Variants in MYO1C observed in about 807,000 individuals in gnomAD.
MYO1C encodes myosin IC.
MYO1C carries 104 observed loss-of-function variants against 150.8 expected under a neutral mutation model. That is an observed-to-expected ratio of 0.69 (90% CI 0.59 to 0.81). The LOEUF (loss-of-function observed/expected upper bound fraction) is 0.81, where lower values mean the gene tolerates loss of function less well. MYO1C is among the 30% of genes least tolerant of loss of function. The pLI, the probability that MYO1C is intolerant of heterozygous loss-of-function variation, is 0.00. For missense variants in MYO1C, 1,504 were observed against 1,435.0 expected (o/e 1.05, Z -0.78); for synonymous variants, 663 against 579.9 (o/e 1.14, Z -2.06).
At chr17:1,483,358 G>T (rs528594644) in intron 3 of MYO1C, among the ~76,000 whole-genome samples, 4 of 151,250 alleles carry the variant, frequency 2.6e-5, no homozygotes, top group Admixed American at 1.3e-4. Context: ...GGGTTCAGAG[G>T]TCACTAAGAT....
At chr17:1,468,987 G>A (rs1008526122) in intron 25 of MYO1C, 37 of 281,200 alleles carry the variant, frequency 1.3e-4, no homozygotes, top group Admixed American at 6.4e-4. Context: ...ACCAATCAAG[G>A]GCAGTTGGCC....
rs376123130 is a variant in MYO1C at position 1,483,598 on chromosome 17, G to A, written c.347+12C>T. The A allele has an allele frequency of 2.3e-4, 373 of 1,594,490 alleles. No homozygotes were observed. In the African/African-American group the frequency reaches 4.0e-3, roughly 17 times the overall value. On this transcript the variant is annotated intron_variant, in intron 3 of 31. Transcript: ENST00000648651. ...CAGAGGGGTCGCTCCCGGAGGGGCTGGGGTCACTCACAGGTGAGGGGGCAC... is the reference window on the plus strand; with the variant it reads ...CAGAGGGGTCGCTCCCGGAGGGGCTAGGGTCACTCACAGGTGAGGGGGCAC...
At chr17:1,489,408 C>T (rs1235173467) in intron 1 of MYO1C, among the ~76,000 whole-genome samples, 2 of 152,238 alleles carry the variant, frequency 1.3e-5, no homozygotes, top group Non-Finnish European at 2.9e-5. Flanking sequence ...CAGTGAGTGG[C>T]TCACACCTGT....
rs528531164 is a variant in MYO1C, at chr17:1,483,660, C to G, written c.297G>C (p.Gln99His). The change falls in exon 3 of 32, where the codon CAG (glutamine) becomes CAC (histidine). Residue 99 changes from glutamine to histidine, a missense_variant. By Grantham distance (24) the Gln-to-His change is conservative. Coordinates refer to ENST00000648651, the MANE Select transcript of MYO1C (RefSeq NM_001080779.2). ...PYRDLQIYSR[Q>H]HMERYRGVSF... ...TGACGCCACGGTAACGCTCCATATG[C>G]TGCCGGCTGTAGATCTGCAGGTCCC... 126 of 1,613,280 alleles carry G rather than the reference C, an allele frequency of 7.8e-5. No homozygotes were observed. The South Asian group carries it at 1.3e-3, about 17-fold the overall frequency.
intron 1 of MYO1C, chr17:1,484,657 G>C (rs187240262): frequency 2.6e-5 from 12 of 466,658 alleles, no homozygotes; most frequent in South Asian, 8.3e-5. Flanking sequence ...GTGGAGAAAG[G>C]GGGGGTCACA....
rs374361883 is a variant in MYO1C at position 1,478,648 on chromosome 17, C to T, written c.1180G>A (p.Val394Ile). The part of the protein sequence containing the change: ...AVYSRTFTWL[V>I]GKINRSLASK... Reference sequence around the variant, plus strand: ...GCCAGCGACCTGTTGATCTTCCCGACGAGCCAGGTAAAAGTGCGGCTGTAC... The same window carrying T: ...GCCAGCGACCTGTTGATCTTCCCGATGAGCCAGGTAAAAGTGCGGCTGTAC... The change falls in exon 10 of 32, where the codon GTC (valine) becomes ATC (isoleucine). Residue 394 changes from valine (V) to isoleucine (I), a missense_variant. Transcript: ENST00000648651. This position sits in a 1 kb window ranked among gnomAD's most constrained non-coding sequence, Gnocchi z 6.3. 1.9e-5 allele frequency: 30 copies of T among 1,614,036 alleles called. No homozygotes were observed. The highest frequency in any genetic ancestry group is 1.6e-4 in the African/African-American group (12 of 74,926).
At position 1,492,421 on chromosome 17, in the gene MYO1C, AG is replaced by A; in HGVS notation, c.66del (p.Cys23AlafsTer12). On this transcript the variant is annotated frameshift_variant, in exon 1 of 32. Coordinates refer to ENST00000648651, the MANE Select transcript of MYO1C (RefSeq NM_001080779.2). LOFTEE classifies it high-confidence loss of function. ...AGAGCATCCCAGCTTACAAGCTTGC[AG>A]GGCCTGTGGGGATGAACCACGCGGA... ...EIIRVVHPHR[P>X]CKLALGSDGV... 1.2e-6 allele frequency: 2 copies of A among 1,605,566 alleles called. No homozygotes were observed. The highest frequency in any genetic ancestry group is 1.7e-6 in the Non-Finnish European group (2 of 1,176,366).
At chr17:1,483,956 C>T (rs955541328) in intron 2 of MYO1C, among the ~76,000 whole-genome samples, 192 bp downstream of exon 2, 3 of 151,938 alleles carry the variant, frequency 2.0e-5, no homozygotes, top group South Asian at 2.1e-4. Context: ...GCAGGAGAAT[C>T]GCTTGAACCC....
In MYO1C at chr17:1,464,978, A is replaced by G. The variant is rs974906340; in HGVS notation, c.*748T>C. The stretch of plus-strand genomic sequence containing the variant: ...GAGGCGTGCACCACCATGCCCGGCT[A>G]ATTTTGTATTTTTACTAGAGGCGGA... On this transcript the variant is annotated 3_prime_UTR_variant, in exon 32 of 32. Transcript: ENST00000648651. The G allele has an allele frequency of 1.3e-5, 2 of 151,696 alleles. No individual in the cohort carries two copies. Among genetic ancestry groups the G allele is most frequent in the Non-Finnish European group, 2.9e-5 (2 of 67,966 alleles). The allele number at this position is 151,696 out of a possible 1,614,324, so 9.4% of individuals were successfully genotyped here.
At chr17:1,476,995 C>T (rs1023370460) in intron 14 of MYO1C, among the ~76,000 whole-genome samples, 1 of 151,952 alleles carries the variant, frequency 6.6e-6, no homozygotes. Context: ...CCTGCCACCA[C>T]ACCCAGCGAA....
intron 1 of MYO1C, among the ~76,000 whole-genome samples, chr17:1,489,486 G>A (rs2074705546): frequency 6.6e-6 from 1 of 152,008 alleles, no homozygotes; most frequent in African/African-American, 2.4e-5. Flanking sequence ...ACCAGCCTGG[G>A]CCACATAGTG....
chr17:1,489,137 G>C (rs1180839128), intron 1 of MYO1C, among the ~76,000 whole-genome samples: 1 of 152,224 alleles, frequency 6.6e-6, no homozygotes, highest in African/African-American at 2.4e-5. Flanking sequence ...TGTCTCACGG[G>C]TGGCACAGAG....
rs1598313759 is a variant in MYO1C at position 1,464,387 on chromosome 17, G to A, written c.*1339C>T. On this transcript the variant is annotated 3_prime_UTR_variant, in exon 32 of 32. Coordinates refer to ENST00000648651, the MANE Select transcript of MYO1C (RefSeq NM_001080779.2). ...CCCGTCCCCACGCTCCCATGCCAGG[G>A]AGGGGTCAGGGGCCAGAAAAGGCCC... is the stretch of plus-strand genomic sequence containing the variant. 1 of 152,784 alleles carries A rather than the reference G, an allele frequency of 6.5e-6. No individual in the cohort carries two copies. Among genetic ancestry groups the A allele is most frequent in the East Asian group, 1.9e-4 (1 of 5,186 alleles). The allele number at this position is 152,784 out of a possible 1,614,324, so 9.5% of individuals were successfully genotyped here. A position where few individuals can be genotyped will look rare whatever the true frequency, so the allele number is the denominator to read the frequency against.
rs776661712 is a variant in MYO1C, at chr17:1,467,988, C to T, written c.2896G>A (p.Gly966Arg). 36 of 1,612,776 alleles carry T rather than the reference C, an allele frequency of 2.2e-5. No individual in the cohort carries two copies. The East Asian group carries it at 2.5e-4, about 11-fold the overall frequency. The change falls in exon 28 of 32, where the codon GGA (glycine) becomes AGA (arginine). Residue 966 changes from glycine to arginine, a missense_variant and splice_region_variant. Transcript: ENST00000648651. Reference protein sequence around the residue: ...KQRIDYANLTGISVSSLSDSL... With the variant: ...KQRIDYANLTRISVSSLSDSL... ...CCTGCAGCCCTGGACCCTGGCTGAC[C>T]GGTCAGGTTGGCGTAATCAATCCTC...
chr17:1,479,483 G>T lies in MYO1C; in HGVS notation c.1040C>A (p.Ser347Ter). Residue 347 changes from serine (S) to a stop codon, truncating the protein, a stop_gained, in exon 9 of 32, where the codon TCG becomes TAG. Coordinates refer to ENST00000648651, the MANE Select transcript of MYO1C (RefSeq NM_001080779.2). LOFTEE classifies it high-confidence loss of function. This position sits in a 1 kb window ranked among gnomAD's most constrained non-coding sequence, Gnocchi z 4.2. The stretch of plus-strand genomic sequence containing the variant: ...GTGTGTCAGGGCTTCTCGCAGCGTC[G>T]AGCCTTCCACGCTGAGGAGCTGCCA... The part of the protein sequence containing the change: ...YLTRLLSVEG[S>*]TLREALTHRK... The T allele has an allele frequency of 6.6e-7, 1 of 1,521,954 alleles. No homozygotes were observed. Among genetic ancestry groups the T allele is most frequent in the Non-Finnish European group, 8.9e-7 (1 of 1,120,998 alleles). 94.3% of individuals were successfully genotyped at this position (1,521,954 alleles called of 1,614,324 possible). A position where few individuals can be genotyped will look rare whatever the true frequency, so the allele number is the denominator to read the frequency against.
Position 1,471,213 on chromosome 17 carries a change from C to T in MYO1C, c.2135+10G>A. 1 of 1,613,884 alleles carries T rather than the reference C, an allele frequency of 6.2e-7. No individual in the cohort carries two copies. Among genetic ancestry groups the T allele is most frequent in the Non-Finnish European group, 8.5e-7 (1 of 1,179,878 alleles). On this transcript the variant is annotated intron_variant, in intron 20 of 31. Coordinates refer to ENST00000648651, the MANE Select transcript of MYO1C (RefSeq NM_001080779.2). The stretch of plus-strand genomic sequence containing the variant: ...ATTCCCCGCAGGCACCCGGCACGGA[C>T]ACTACCCACCTGCCCATCTTGTACT...
At position 1,478,808 on chromosome 17, in the gene MYO1C, C is replaced by A; in HGVS notation, c.1093-73G>T. ...CATCCCACCTGCTCCCAGGCTCAGG[C>A]AGACCAGGAAGCCGCCACCACTCTG... On this transcript the variant is annotated intron_variant, in intron 9 of 31. Transcript: ENST00000648651. This position sits in a 1 kb window ranked among gnomAD's most constrained non-coding sequence, Gnocchi z 6.3. 1 of 1,601,554 alleles carries A rather than the reference C, an allele frequency of 6.2e-7. No homozygotes were observed. Among genetic ancestry groups the A allele is most frequent in the Non-Finnish European group, 8.5e-7 (1 of 1,178,536 alleles).
rs2074150657 is a variant in MYO1C at position 1,465,450 on chromosome 17, C to T, written c.*276G>A. 1 of 369,330 alleles carries T rather than the reference C, an allele frequency of 2.7e-6. No homozygotes were observed. Among genetic ancestry groups the T allele is most frequent in the African/African-American group, 2.1e-5 (1 of 47,954 alleles). 22.9% of individuals were successfully genotyped at this position (369,330 alleles called of 1,614,324 possible). On this transcript the variant is annotated 3_prime_UTR_variant, in exon 32 of 32. Coordinates refer to ENST00000648651, the MANE Select transcript of MYO1C (RefSeq NM_001080779.2). ...CTCAGAGAAAACCTCAGCAAAAGTT[C>T]CCTTCTCTCAAATATTTGGCATCGG...
chr17:1,484,984 G>T, intron 1 of MYO1C: 2 of 640,496 alleles, frequency 3.1e-6, no homozygotes, highest in Non-Finnish European at 5.0e-6. Context: ...CCCCAGCTGG[G>T]CTCAGCCACC....
Sources: allele counts gnomAD v4.1 joint callset (sites outside exome capture counted in the v4.1 genomes callset), GRCh38; gene constraint gnomAD v4.1.1; non-coding constraint Gnocchi (gnomAD v3.1); transcripts MANE v1.5; gene names NCBI Gene and HGNC (gene_info 2026-07-23, HGNC 2026-07-21).